GPM6B: variants seen among roughly 807,000 people sequenced by gnomAD.
GPM6B encodes glycoprotein M6B.
Under a neutral mutation model 27.2 loss-of-function variants are expected in GPM6B, and 4 were observed. That is an observed-to-expected ratio of 0.15 (90% CI 0.07 to 0.34). The LOEUF (loss-of-function observed/expected upper bound fraction) is 0.34. GPM6B is among the 10% of genes least tolerant of loss of function. The pLI, the probability that GPM6B is intolerant of heterozygous loss-of-function variation, is 1.00. For synonymous variants in GPM6B, 124 were observed against 103.1 expected, an observed-to-expected ratio of 1.20 and a Z score of -1.23; for missense variants, 183 against 261.9, an observed-to-expected ratio of 0.70 and a Z score of 2.08.
Position 13,772,714 on chromosome X carries a change from A to G in GPM6B, c.*167T>C, listed in dbSNP as rs1233046867. ...ATATTTGTTCTAAAGAAAAAGATTT[A>G]CCCACTGGAAGGTTTTCCTAGAGAT... On this transcript the variant is annotated 3_prime_UTR_variant, in exon 8 of 8. Coordinates refer to ENST00000316715, the MANE Select transcript of GPM6B (RefSeq NM_001001995.3). The G allele has an allele frequency of 8.2e-6, 3 of 365,658 alleles. No individual in the cohort carries two copies. Among genetic ancestry groups the G allele is most frequent in the East Asian group, 8.3e-5 (2 of 24,197 alleles). The allele number at this position is 365,658 out of a possible 1,213,427, so 30.1% of individuals were successfully genotyped here.
At chrX:13,887,524 T>C (rs1487381577) in intron 1 of GPM6B, among the ~76,000 whole-genome samples, 1 of 111,558 alleles carries the variant, frequency 9.0e-6, no homozygotes, top group Non-Finnish European at 1.9e-5. Flanking sequence ...GAAGTTATAA[T>C]TAAGTGGGCT....
At chrX:13,807,467 A>T (rs888451109) in intron 2 of GPM6B, among the ~76,000 whole-genome samples, 183 bp downstream of exon 2, 15 of 112,442 alleles carry the variant, frequency 1.3e-4, no homozygotes, top group Admixed American at 1.3e-3. Flanking sequence ...TGGAATGGAG[A>T]GGGAGAGAGA....
At chrX:13,810,761 A>G (rs1458611186) in intron 1 of GPM6B, among the ~76,000 whole-genome samples, 1 of 109,660 alleles carries the variant, frequency 9.1e-6, no homozygotes, top group African/African-American at 3.3e-5. Flanking sequence ...AAAAAAAAAA[A>G]AAAAGAATAG....
chrX:13,907,062 C>G (rs1052443739), intron 1 of GPM6B, among the ~76,000 whole-genome samples: 3 of 112,321 alleles, frequency 2.7e-5, no homozygotes, highest in Non-Finnish European at 5.6e-5. Context: ...CCTGGTAGTC[C>G]TACAGCACAA....
chrX:13,810,501 C>A (rs1282592561), intron 1 of GPM6B, among the ~76,000 whole-genome samples: 1 of 111,311 alleles, frequency 9.0e-6, no homozygotes, highest in Non-Finnish European at 1.9e-5. Flanking sequence ...AGAAATGGAC[C>A]TCTAGATCCC....
chrX:13,916,963 G>A (rs939594979), intron 1 of GPM6B, among the ~76,000 whole-genome samples: 1 of 111,236 alleles, frequency 9.0e-6, no homozygotes, highest in Non-Finnish European at 1.9e-5. Flanking sequence ...TGTAATCCCA[G>A]CACTTTAGGA....
At chrX:13,910,095 C>T (rs922018863) in intron 1 of GPM6B, among the ~76,000 whole-genome samples, 3 of 112,048 alleles carry the variant, frequency 2.7e-5, no homozygotes, top group African/African-American at 9.7e-5. Context: ...TGGACAAGAC[C>T]CGGAGAAAAG....
At chrX:13,830,153 G>A (rs2147215781) in intron 1 of GPM6B, among the ~76,000 whole-genome samples, 1 of 111,924 alleles carries the variant, frequency 8.9e-6, no homozygotes, top group East Asian at 2.8e-4. Flanking sequence ...TGTCCCATGA[G>A]CTCAGAATTC....
intron 1 of GPM6B, among the ~76,000 whole-genome samples, chrX:13,929,816 T>G (rs1228775418): frequency 1.8e-5 from 2 of 111,955 alleles, no homozygotes; most frequent in Admixed American, 1.9e-4. Flanking sequence ...ATGTCAATAG[T>G]GCTGAGGTTG....
intron 2 of GPM6B, among the ~76,000 whole-genome samples, chrX:13,796,989 G>GC (rs1281451199): frequency 8.9e-6 from 1 of 112,578 alleles, no homozygotes; most frequent in African/African-American, 3.2e-5. Flanking sequence ...AGTAGGGGAA[G>GC]CCAGCTCTAA....
chrX:13,866,350 T>A (rs1253490498), intron 1 of GPM6B, among the ~76,000 whole-genome samples: 1 of 111,497 alleles, frequency 9.0e-6, no homozygotes, highest in African/African-American at 3.3e-5. Context: ...GCAACAAGAG[T>A]GAAACTCCGT....
rs1244158589 is a variant in GPM6B at position 13,807,680 on chromosome X, C to T, written c.151G>A (p.Gly51Arg). 13 of 1,204,803 alleles carry T rather than the reference C, an allele frequency of 1.1e-5. No individual in the cohort carries two copies. Among genetic ancestry groups the T allele is most frequent in the Non-Finnish European group, 1.5e-5 (13 of 890,214 alleles). The change falls in exon 2 of 8, where the codon GGG (glycine) becomes AGG (arginine). Residue 51 changes from glycine to arginine, a missense_variant. Coordinates refer to ENST00000316715, the MANE Select transcript of GPM6B (RefSeq NM_001001995.3). Reference protein sequence around the residue: ...NHQYHPVPTLGDRASPLSSPG... With the variant: ...NHQYHPVPTLRDRASPLSSPG... Reference sequence around the variant, plus strand: ...CTGCTCAAGGGGCTAGCCCTGTCCCCCAGGGTTGGCACGGGATGGTACTGG... The same window carrying T: ...CTGCTCAAGGGGCTAGCCCTGTCCCTCAGGGTTGGCACGGGATGGTACTGG...
chrX:13,807,670 G>C lies in GPM6B; in HGVS notation c.161C>G (p.Ala54Gly), dbSNP rs1293650496. Residue 54 changes from alanine to glycine, a missense_variant, in exon 2 of 8, where the codon GCT becomes GGT. Ala to Gly is a moderately conservative substitution (Grantham distance 60, BLOSUM62 0). Transcript: ENST00000316715. ...TTTACCTGGACTGCTCAAGGGGCTA[G>C]CCCTGTCCCCCAGGGTTGGCACGGG... ...YHPVPTLGDR[A>G]SPLSSPGCFE... 1 of 1,202,384 alleles carries C rather than the reference G, an allele frequency of 8.3e-7. No individual in the cohort carries two copies. The highest frequency in any genetic ancestry group is 1.8e-5 in the African/African-American group (1 of 57,056).
Position 13,772,623 on chromosome X carries a change from T to G in GPM6B, c.*258A>C, listed in dbSNP as rs911400038. On this transcript the variant is annotated 3_prime_UTR_variant, in exon 8 of 8. Coordinates refer to ENST00000316715, the MANE Select transcript of GPM6B (RefSeq NM_001001995.3). ...CAATAAATGTGAACATGCCACAAAT[T>G]CCCAAAGTATGAACGATCATTTTGT... is the stretch of plus-strand genomic sequence containing the variant. 6 of 302,832 alleles carry G rather than the reference T, an allele frequency of 2.0e-5. No homozygotes were observed. The highest frequency in any genetic ancestry group is 1.6e-4 in the Admixed American group (3 of 19,269). The allele number at this position is 302,832 out of a possible 1,213,427, so 25.0% of individuals were successfully genotyped here.
intron 1 of GPM6B, among the ~76,000 whole-genome samples, chrX:13,866,232 A>T (rs954618786): frequency 1.8e-5 from 2 of 112,102 alleles, no homozygotes; most frequent in Non-Finnish European, 3.8e-5. Flanking sequence ...GCGTGGTGGC[A>T]CATGCCTGTA....
intron 3 of GPM6B, among the ~76,000 whole-genome samples, chrX:13,784,658 T>C (rs953628818): frequency 1.8e-5 from 2 of 111,342 alleles, no homozygotes; most frequent in African/African-American, 6.5e-5. Context: ...GGGGAAGACA[T>C]GTGAAGGAAA....
At chrX:13,866,173 G>C (rs1159235838) in intron 1 of GPM6B, among the ~76,000 whole-genome samples, 9 of 111,803 alleles carry the variant, frequency 8.0e-5, no homozygotes, top group Non-Finnish European at 1.7e-4. Flanking sequence ...AGACCAGCCT[G>C]ACCAACATGG....
chrX:13,918,947 G>T (rs1411257158), intron 1 of GPM6B, among the ~76,000 whole-genome samples: 1 of 111,753 alleles, frequency 8.9e-6, no homozygotes, highest in Non-Finnish European at 1.9e-5. Flanking sequence ...ATGAGATTTG[G>T]GCGGGGATAC....
At chrX:13,804,958 G>A (rs942244084) in intron 2 of GPM6B, among the ~76,000 whole-genome samples, 7 of 111,455 alleles carry the variant, frequency 6.3e-5, no homozygotes, top group Non-Finnish European at 1.3e-4. Flanking sequence ...GGCATGGCTA[G>A]AGTGGGTCCC....
Sources: gnomAD v4.1 joint callset for allele counts (sites outside exome capture counted in the v4.1 genomes callset) on GRCh38, gnomAD v4.1.1 for gene constraint, MANE v1.5 for transcripts, NCBI Gene and HGNC (gene_info 2026-07-23, HGNC 2026-07-21) for gene names.